APOL2: variants seen among roughly 807,000 people sequenced by gnomAD.
APOL2 encodes apolipoprotein L, 2.
A neutral mutation model predicts 7.1 loss-of-function variants in APOL2; 8 were observed. That is an observed-to-expected ratio of 1.12 (90% CI 0.66 to 2.03). The LOEUF (loss-of-function observed/expected upper bound fraction) is 2.03. Ranked by LOEUF, APOL2 falls within the 30% of genes most tolerant of loss-of-function variation. APOL2 has a pLI of 0.00. For missense variants in APOL2, 471 were observed against 415.1 expected (o/e 1.13, Z -1.17); for synonymous variants, 177 against 159.9 (o/e 1.11, Z -0.81).
In APOL2 at chr22:36,228,225, T is replaced by C. The variant is rs745951354; in HGVS notation, c.193A>G (p.Met65Val). 1 of 1,614,232 alleles carries C rather than the reference T, an allele frequency of 6.2e-7. No homozygotes were observed. The highest frequency in any genetic ancestry group is 8.5e-7 in the Non-Finnish European group (1 of 1,180,028). Residue 65 changes from methionine (M) to valine (V), a missense_variant, in exon 5 of 5, where the codon ATG becomes GTG. Transcript: ENST00000358502. Reference protein sequence around the residue: ...ALNKLASHMVMKDKNRHDKDQ... With the variant: ...ALNKLASHMVVKDKNRHDKDQ... The stretch of plus-strand genomic sequence containing the variant: ...TTATCGTGGCGGTTTTTGTCCTTCA[T>C]GACCATGTGACTTGCAAGCTTGTTC...
Position 36,227,232 on chromosome 22 carries a change from T to C in APOL2, c.*172A>G. Reference sequence around the variant, plus strand: ...TCGGGAGACTGAGGCCGGAGAATGGTGTGAACCCGGGAGGCGGAGTTTGCA... The same window carrying C: ...TCGGGAGACTGAGGCCGGAGAATGGCGTGAACCCGGGAGGCGGAGTTTGCA... On this transcript the variant is annotated 3_prime_UTR_variant, in exon 5 of 5. Coordinates refer to ENST00000358502, the MANE Select transcript of APOL2 (RefSeq NM_030882.4). The C allele has an allele frequency of 1.4e-6, 1 of 716,562 alleles. No individual in the cohort carries two copies. The highest frequency in any genetic ancestry group is 2.1e-6 in the Non-Finnish European group (1 of 479,624). The allele number at this position is 716,562 out of a possible 1,614,324, so 44.4% of individuals were successfully genotyped here.
rs2014998856 is a variant in APOL2, at chr22:36,226,657, A to G, written c.*747T>C. ...AAGACTTTATTCTTGGAAGGACATC[A>G]AACCTGGGGGGGGGTCGGTAGTGGA... On this transcript the variant is annotated 3_prime_UTR_variant, in exon 5 of 5. Transcript: ENST00000358502. 1 of 117,048 alleles carries G rather than the reference A, an allele frequency of 8.5e-6. No homozygotes were observed. Among genetic ancestry groups the G allele is most frequent in the Non-Finnish European group, 1.7e-5 (1 of 57,252 alleles). 7.3% of individuals were successfully genotyped at this position (117,048 alleles called of 1,614,324 possible).
chr22:36,236,050 G>GA (rs1275354770), intron 1 of APOL2, among the ~76,000 whole-genome samples: 9 of 151,612 alleles, frequency 5.9e-5, no homozygotes, highest in Admixed American at 5.9e-4. Context: ...TACAAGGGAG[G>GA]AAAAAAAACA....
intron 1 of APOL2, chr22:36,237,143 C>G (rs2015434177): frequency 5.2e-6 from 8 of 1,527,040 alleles, no homozygotes; most frequent in Non-Finnish European, 1.8e-6. Flanking sequence ...TTGTCTGGAG[C>G]CTCTGCTGGG....
In APOL2 at chr22:36,228,247, G is replaced by A; in HGVS notation, c.171C>T (p.Asn57=). ...TCATGACCATGTGACTTGCAAGCTTGTTCAGAGCTTTACGGAGCTCATCTG... is the reference window on the plus strand; with the variant it reads ...TCATGACCATGTGACTTGCAAGCTTATTCAGAGCTTTACGGAGCTCATCTG... The part of the protein sequence containing the change: ...DEADELRKAL[N]KLASHMVMKD... Residue 57 remains asparagine (N), a synonymous_variant, in exon 5 of 5, where the codon AAC becomes AAT. Transcript: ENST00000358502. The A allele has an allele frequency of 6.2e-7, 1 of 1,614,164 alleles. No individual in the cohort carries two copies. The highest frequency in any genetic ancestry group is 8.5e-7 in the Non-Finnish European group (1 of 1,180,012).
In APOL2 at chr22:36,227,047, G is replaced by A. The variant is rs1395414647; in HGVS notation, c.*357C>T. ...TGTCTGCATTTTGGCCAGGCGCGGT[G>A]GCTCACGCCTGTAATCCCAGCACTT... On this transcript the variant is annotated 3_prime_UTR_variant, in exon 5 of 5. Transcript: ENST00000358502. 1 of 193,040 alleles carries A rather than the reference G, an allele frequency of 5.2e-6. No homozygotes were observed. Among genetic ancestry groups the A allele is most frequent in the Non-Finnish European group, 1.1e-5 (1 of 94,508 alleles). The allele number at this position is 193,040 out of a possible 1,614,324, so 12.0% of individuals were successfully genotyped here. A position where few individuals can be genotyped will look rare whatever the true frequency, so the allele number is the denominator to read the frequency against.
upstream of APOL2, chr22:36,239,533 G>T: frequency 6.3e-7 from 1 of 1,582,336 alleles, no homozygotes; most frequent in Non-Finnish European, 8.5e-7. Context: ...GTAATAACCA[G>T]ACACGTCCTC....
Position 36,227,660 on chromosome 22 carries a change from C to T in APOL2, c.758G>A (p.Gly253Asp). The T allele has an allele frequency of 6.2e-7, 1 of 1,614,256 alleles. No homozygotes were observed. Among genetic ancestry groups the T allele is most frequent in the Non-Finnish European group, 8.5e-7 (1 of 1,180,046 alleles). The part of the protein sequence containing the change: ...PHVIGRISAE[G>D]GEQVERVVEG... ...AACAACCCTCTCAACCTGTTCACCG[C>T]CTTCAGCTGAGATTCGCCCAATGAC... Residue 253 changes from glycine (G) to aspartate (D), a missense_variant, in exon 5 of 5, where the codon GGC becomes GAC. By Grantham distance (94) the Gly-to-Asp change is moderately conservative. Transcript: ENST00000358502.
At chr22:36,239,652 G>A (rs1003013017), upstream of APOL2, 8 of 692,824 alleles carry the variant, frequency 1.2e-5, no homozygotes, top group East Asian at 2.8e-5. Context: ...ACCACCTGCA[G>A]TCCAGGCCCA....
Position 36,226,574 on chromosome 22 carries a change from C to A in APOL2, c.*830G>T. ...CCACTGGCTGACTGTGATACACCCC[C>A]AGAAGGACAAGGGAGAGTGGATGCT... On this transcript the variant is annotated 3_prime_UTR_variant, in exon 5 of 5. Transcript: ENST00000358502. The A allele has an allele frequency of 6.5e-6, 1 of 152,684 alleles. No individual in the cohort carries two copies. The highest frequency in any genetic ancestry group is 1.5e-5 in the Non-Finnish European group (1 of 68,344). 9.5% of individuals were successfully genotyped at this position (152,684 alleles called of 1,614,324 possible).
chr22:36,238,775 A>G (rs1015177503), intron 1 of APOL2, among the ~76,000 whole-genome samples: 1 of 152,100 alleles, frequency 6.6e-6, no homozygotes, highest in South Asian at 2.1e-4. Context: ...TTTCTTCTCT[A>G]TCAGCTCAGA....
At chr22:36,230,479 C>G (rs892906059) in intron 4 of APOL2, among the ~76,000 whole-genome samples, 1 of 152,092 alleles carries the variant, frequency 6.6e-6, no homozygotes, top group Non-Finnish European at 1.5e-5. Flanking sequence ...CCCTTGGTGC[C>G]TCTCTTTCCA....
rs985023202 is a variant in APOL2, at chr22:36,233,488, AG to A, written c.-133-34del. 1.5e-5 allele frequency: 23 copies of A among 1,527,364 alleles called. No homozygotes were observed. The Middle Eastern group carries it at 5.0e-4, about 33-fold the overall frequency. The allele number at this position is 1,527,364 out of a possible 1,614,324, so 94.6% of individuals were successfully genotyped here. ...GGTATGAGAAGAAGATAATCAGAGGAGGGGCAGCCATCTGATCATTACAGAA... is the reference window on the plus strand; with the variant it reads ...GGTATGAGAAGAAGATAATCAGAGGAGGGCAGCCATCTGATCATTACAGAA... On this transcript the variant is annotated intron_variant, in intron 1 of 4. Coordinates refer to ENST00000358502, the MANE Select transcript of APOL2 (RefSeq NM_030882.4).
intron 3 of APOL2, 44 bp from the exon 4 acceptor site, chr22:36,231,510 G>A (rs372980024): frequency 5.6e-6 from 9 of 1,598,386 alleles, no homozygotes; most frequent in Non-Finnish European, 7.7e-6. Flanking sequence ...ATAGTGTAGG[G>A]GAGCATAACA....
At chr22:36,233,849 C>T (rs1344369571) in intron 1 of APOL2, among the ~76,000 whole-genome samples, 1 of 152,186 alleles carries the variant, frequency 6.6e-6, no homozygotes, top group East Asian at 1.9e-4. Flanking sequence ...TGTATACACG[C>T]TCATGGTAAA....
At chr22:36,234,671 A>T (rs1487930911) in intron 1 of APOL2, among the ~76,000 whole-genome samples, 1 of 152,248 alleles carries the variant, frequency 6.6e-6, no homozygotes, top group Non-Finnish European at 1.5e-5. Flanking sequence ...CTACAGCCAT[A>T]GTCAAGGCAC....
chr22:36,228,211 G>A lies in APOL2; in HGVS notation c.207C>T (p.Asn69=). 1 of 1,614,206 alleles carries A rather than the reference G, an allele frequency of 6.2e-7. No individual in the cohort carries two copies. Among genetic ancestry groups the A allele is most frequent in the Non-Finnish European group, 8.5e-7 (1 of 1,180,028 alleles). The change falls in exon 5 of 5, where the codon AAC becomes AAT. Residue 69 remains asparagine (N), a synonymous_variant. Transcript: ENST00000358502. ...LASHMVMKDK[N]RHDKDQQHRQ... is the part of the protein sequence containing the mutation. ...TGTGCTGCTGGTCTTTATCGTGGCGGTTTTTGTCCTTCATGACCATGTGAC... is the reference window on the plus strand; with the variant it reads ...TGTGCTGCTGGTCTTTATCGTGGCGATTTTTGTCCTTCATGACCATGTGAC...
chr22:36,237,271 C>T, intron 1 of APOL2: 1 of 1,359,760 alleles, frequency 7.4e-7, no homozygotes, highest in Non-Finnish European at 9.5e-7. Flanking sequence ...AGGAGCCCTC[C>T]CTCCCACCTC....
chr22:36,238,572 C>T (rs2015491289), intron 1 of APOL2, among the ~76,000 whole-genome samples: 1 of 152,146 alleles, frequency 6.6e-6, no homozygotes, highest in South Asian at 2.1e-4. Flanking sequence ...CAACAGTGTC[C>T]AGGTTTGATT....
Sources: allele counts gnomAD v4.1 joint callset (sites outside exome capture counted in the v4.1 genomes callset), GRCh38; gene constraint gnomAD v4.1.1; transcripts MANE v1.5; gene names NCBI Gene and HGNC (gene_info 2026-07-23, HGNC 2026-07-21).